Variants in WDFY3 observed in about 807,000 individuals in gnomAD.
The protein encoded by WDFY3 is WD repeat and FYVE domain-containing protein 3.
Under a neutral mutation model 409.6 loss-of-function variants are expected in WDFY3, and 66 were observed. The observed-to-expected ratio is 0.16, with a 90% CI of 0.13 to 0.20. The LOEUF (loss-of-function observed/expected upper bound fraction) is 0.20, where lower values mean the gene tolerates loss of function less well. Among genes scored for constraint, WDFY3 ranks in the 10% least tolerant of loss-of-function variants. The pLI, the probability that WDFY3 is intolerant of heterozygous loss-of-function variation, is 1.00. For synonymous variants in WDFY3, 1,521 were observed against 1,537.1 expected, an observed-to-expected ratio of 0.99 and a Z score of 0.25; for missense variants, 3,031 against 4,298.1, an observed-to-expected ratio of 0.71 and a Z score of 8.24.
chr4:84,791,391 G>A (rs942117402), intron 21 of WDFY3, among the ~76,000 whole-genome samples: 1 of 152,158 alleles, frequency 6.6e-6, no homozygotes, highest in Admixed American at 6.5e-5. Context: ...GTCGCCAAGG[G>A]CTTGAGGGAG....
At chr4:84,694,056 CA>C (rs1729707258) in intron 58 of WDFY3, among the ~76,000 whole-genome samples, 1 of 152,084 alleles carries the variant, frequency 6.6e-6, no homozygotes. Context: ...GACACCATCA[CA>C]CTTTGTAAAT....
chr4:84,706,015 C>T (rs1430306734), intron 53 of WDFY3, among the ~76,000 whole-genome samples: 1 of 148,932 alleles, frequency 6.7e-6, no homozygotes, highest in Non-Finnish European at 1.5e-5. Flanking sequence ...AACTAGAACA[C>T]TCAGTAATTC....
At chr4:84,830,621 C>G (rs1244068847) in intron 8 of WDFY3, among the ~76,000 whole-genome samples, 1 of 152,146 alleles carries the variant, frequency 6.6e-6, no homozygotes, top group Non-Finnish European at 1.5e-5. Flanking sequence ...GTCTCCTATA[C>G]AGACATTTTA....
chr4:84,857,829 G>T (rs945544018), intron 4 of WDFY3, among the ~76,000 whole-genome samples: 1 of 152,062 alleles, frequency 6.6e-6, no homozygotes, highest in Non-Finnish European at 1.5e-5. Context: ...ATCCTCTTCT[G>T]TTGTATCCAA....
chr4:84,906,575 G>A (rs1380608836), intron 2 of WDFY3, among the ~76,000 whole-genome samples: 2 of 152,060 alleles, frequency 1.3e-5, no homozygotes, highest in Non-Finnish European at 2.9e-5. Context: ...GGACCCCCAC[G>A]TATACCAAAA....
chr4:84,916,981 T>A (rs979197252), intron 2 of WDFY3, among the ~76,000 whole-genome samples: 4 of 152,110 alleles, frequency 2.6e-5, no homozygotes, highest in African/African-American at 9.7e-5. Context: ...ATTTTATATA[T>A]CACACAAAAA....
At chr4:84,728,696 G>C (rs1447172709) in intron 44 of WDFY3, among the ~76,000 whole-genome samples, 1 of 151,880 alleles carries the variant, frequency 6.6e-6, no homozygotes, top group African/African-American at 2.4e-5. Context: ...ATTTTTCCTG[G>C]TACCATATGA....
chr4:84,878,793 A>G (rs1763111244), intron 3 of WDFY3, among the ~76,000 whole-genome samples: 2 of 152,162 alleles, frequency 1.3e-5, no homozygotes, highest in African/African-American at 4.8e-5. Flanking sequence ...AACTTCCTCA[A>G]AATATCTTCT....
rs1773417910 is a variant in WDFY3, at chr4:84,950,144, AG to A, written c.-226+16064del. On this transcript the variant is annotated intron_variant, in intron 1 of 67. Transcript: ENST00000295888. ...AACATCACTCTCAGCAAACTAACAC[AG>A]GAACAGAAAACCAAACACCACATGT... 2.0e-5 allele frequency among the ~76,000 whole-genome samples: 3 copies of A among 152,302 alleles called. No individual in the cohort carries two copies. In the South Asian group the frequency reaches 6.2e-4, roughly 32 times the overall value.
intron 1 of WDFY3, among the ~76,000 whole-genome samples, chr4:84,937,702 A>AT (rs947933205): frequency 1.3e-5 from 2 of 152,112 alleles, no homozygotes; most frequent in African/African-American, 2.4e-5. Flanking sequence ...AGAGTAGGCC[A>AT]TTTTTTTAAA....
chr4:84,699,585 G>A (rs1730745779), intron 56 of WDFY3, among the ~76,000 whole-genome samples: 1 of 152,002 alleles, frequency 6.6e-6, no homozygotes, highest in African/African-American at 2.4e-5. Flanking sequence ...GGAACTGCTG[G>A]GTCATATGGT....
chr4:84,857,565 CA>C (rs1486470335), intron 4 of WDFY3, among the ~76,000 whole-genome samples: 2 of 151,974 alleles, frequency 1.3e-5, no homozygotes, highest in African/African-American at 2.4e-5. Flanking sequence ...GATTTAAAAA[CA>C]AAACAAACTT....
Position 84,718,573 on chromosome 4 carries a change from A to G in WDFY3, c.7606-3T>C, listed in dbSNP as rs774218250. The G allele has an allele frequency of 3.1e-6, 5 of 1,603,280 alleles. No individual in the cohort carries two copies. The highest frequency in any genetic ancestry group is 1.7e-4 in the Middle Eastern group (1 of 5,976). Reference sequence around the variant, plus strand: ...GCACAGCGGTACATGTGTTGGATCTATAAAGAAGCCCACAAACATTCATTA... The same window carrying G: ...GCACAGCGGTACATGTGTTGGATCTGTAAAGAAGCCCACAAACATTCATTA... On this transcript the variant is annotated splice_polypyrimidine_tract_variant and splice_region_variant and intron_variant, in intron 47 of 67. Coordinates refer to ENST00000295888, the MANE Select transcript of WDFY3 (RefSeq NM_014991.6).
intron 6 of WDFY3, among the ~76,000 whole-genome samples, chr4:84,838,098 G>T (rs532885795): frequency 1.8e-4 from 28 of 152,166 alleles, no homozygotes; most frequent in Non-Finnish European, 2.2e-4. Flanking sequence ...AGATACATAG[G>T]AGGTTAGGCC....
In WDFY3 at chr4:84,961,503, C is replaced by G. The variant is rs540697154; in HGVS notation, c.-226+4706G>C. ...AATGGTTCATTTTTTAAATTGCTAA[C>G]AGCTAAGCATTAGAATAATTCCCTA... On this transcript the variant is annotated intron_variant, in intron 1 of 67. Coordinates refer to ENST00000295888, the MANE Select transcript of WDFY3 (RefSeq NM_014991.6). Among the ~76,000 whole-genome samples the G allele has an allele frequency of 2.6e-5, 4 of 152,100 alleles. No individual in the cohort carries two copies. In the South Asian group the frequency reaches 6.2e-4, roughly 24 times the overall value.
Position 84,702,307 on chromosome 4 carries a change from C to A in WDFY3, c.8596+46G>T, listed in dbSNP as rs201239339. Reference sequence around the variant, plus strand: ...AGAGAAGTGACTTATTTCTATTGGACTTTTCCTGGCTAACATTCCTAAGAC... The same window carrying A: ...AGAGAAGTGACTTATTTCTATTGGAATTTTCCTGGCTAACATTCCTAAGAC... On this transcript the variant is annotated intron_variant, in intron 56 of 67. Coordinates refer to ENST00000295888, the MANE Select transcript of WDFY3 (RefSeq NM_014991.6). 4.8e-5 allele frequency: 73 copies of A among 1,507,038 alleles called. No homozygotes were observed. The East Asian group carries it at 1.7e-3, about 34-fold the overall frequency. 93.4% of individuals were successfully genotyped at this position (1,507,038 alleles called of 1,614,324 possible). A position where few individuals can be genotyped will look rare whatever the true frequency, so the allele number is the denominator to read the frequency against.
intron 64 of WDFY3, among the ~76,000 whole-genome samples, chr4:84,680,805 T>C (rs1283913992): frequency 6.6e-6 from 1 of 152,242 alleles, no homozygotes; most frequent in Non-Finnish European, 1.5e-5. Context: ...ATTTAAGGTA[T>C]ACAGGAGGGT....
At chr4:84,895,733 G>A (rs1411375393) in intron 3 of WDFY3, among the ~76,000 whole-genome samples, 1 of 152,166 alleles carries the variant, frequency 6.6e-6, no homozygotes, top group Non-Finnish European at 1.5e-5. Flanking sequence ...GTAGAGGTAA[G>A]GGTGGGGCAC....
At chr4:84,728,486 C>T (rs1736032715) in intron 44 of WDFY3, among the ~76,000 whole-genome samples, 1 of 151,912 alleles carries the variant, frequency 6.6e-6, no homozygotes, top group Admixed American at 6.6e-5. Context: ...GCCAAGATCA[C>T]CACTGCACTC....
Sources: allele counts gnomAD v4.1 joint callset (sites outside exome capture counted in the v4.1 genomes callset), GRCh38; gene constraint gnomAD v4.1.1; transcripts MANE v1.5; gene names NCBI Gene and HGNC (gene_info 2026-07-23, HGNC 2026-07-21).